NUDC: variants seen among roughly 807,000 people sequenced by gnomAD.
NUDC encodes nuclear migration protein nudC.
In NUDC, 14 loss-of-function variants were observed where a neutral mutation model predicts 45.0. That is an observed-to-expected ratio of 0.31 (90% confidence interval 0.21 to 0.49). The LOEUF (loss-of-function observed/expected upper bound fraction) is 0.49. Ranked by LOEUF, NUDC falls within the 20% of genes least tolerant of loss-of-function variation. The probability of loss-of-function intolerance (pLI) is 0.99; values close to 1 mark genes in which losing one functional copy is unlikely to be tolerated. For synonymous variants in NUDC, 153 were observed against 156.7 expected (o/e 0.98, Z 0.17); for missense variants, 323 against 426.2 (o/e 0.76, Z 2.13).
chr1:26,945,695 T>G lies in NUDC; in HGVS notation c.944+9T>G. On this transcript the variant is annotated intron_variant, in intron 8 of 8. Transcript: ENST00000321265. ...CAGGAGATTCTGAAGAAGTGAGCAA[T>G]TCAGAGACGGGGTTGGGGGACCGTG... is the stretch of plus-strand genomic sequence containing the variant. 1 of 1,607,084 alleles carries G rather than the reference T, an allele frequency of 6.2e-7. No homozygotes were observed. The highest frequency in any genetic ancestry group is 1.3e-5 in the African/African-American group (1 of 74,872).
At chr1:26,929,668 A>G (rs2082164556) in intron 2 of NUDC, 2 of 403,436 alleles carry the variant, frequency 5.0e-6, no homozygotes, top group South Asian at 1.9e-5. Context: ...ATATAATTGA[A>G]GGCATATTTT....
intron 2 of NUDC, among the ~76,000 whole-genome samples, chr1:26,909,592 G>C (rs1570710454): frequency 6.6e-6 from 1 of 152,274 alleles, no homozygotes; most frequent in East Asian, 1.9e-4. Context: ...GAGAGATGTG[G>C]CAATTAACTA....
At chr1:26,941,110 T>G (rs1035918697) in intron 2 of NUDC, among the ~76,000 whole-genome samples, 1 of 145,084 alleles carries the variant, frequency 6.9e-6, no homozygotes. Context: ...TTTTTTTTTT[T>G]GTATTTTTGG....
chr1:26,945,658 G>A lies in NUDC; in HGVS notation c.916G>A (p.Glu306Lys), dbSNP rs757295638. ...QKSMGLPTSD[E>K]QKKQEILKKF... ...GTCCATGGGGCTGCCAACTTCAGAC[G>A]AACAGAAGAAACAGGAGATTCTGAA... is the stretch of plus-strand genomic sequence containing the variant. Residue 306 changes from glutamate (E) to lysine (K), a missense_variant, in exon 8 of 9, where the codon GAA (glutamate) becomes AAA (lysine). This residue lies in a region of NUDC where 54 missense variants were observed against 100.2 expected (regional missense o/e 0.54). Transcript: ENST00000321265. 3.7e-6 allele frequency: 6 copies of A among 1,613,842 alleles called. No individual in the cohort carries two copies. The African/African-American group carries it at 4.0e-5, about 11-fold the overall frequency.
intron 2 of NUDC, among the ~76,000 whole-genome samples, chr1:26,906,144 G>C (rs1023169056): frequency 2.0e-5 from 3 of 152,216 alleles, no homozygotes; most frequent in Non-Finnish European, 1.5e-5. Context: ...GCAGGGCGTG[G>C]TGGCGCATGC....
At chr1:26,908,426 T>G (rs2082011588) in intron 2 of NUDC, among the ~76,000 whole-genome samples, 1 of 152,196 alleles carries the variant, frequency 6.6e-6, no homozygotes, top group Admixed American at 6.5e-5. Context: ...CTTTATGTTC[T>G]TTGCTCAAGG....
chr1:26,908,973 C>T (rs1365458057), intron 2 of NUDC, among the ~76,000 whole-genome samples: 1 of 150,870 alleles, frequency 6.6e-6, no homozygotes, highest in African/African-American at 2.4e-5. Context: ...ATCCGCCTGG[C>T]CTTATTTTTT....
chr1:26,921,285 G>A (rs928971322), upstream of NUDC, among the ~76,000 whole-genome samples: 9 of 152,306 alleles, frequency 5.9e-5, no homozygotes, highest in African/African-American at 2.2e-4. Context: ...GGTGCTGTGC[G>A]ACTGCAATTT....
intron 2 of NUDC, among the ~76,000 whole-genome samples, chr1:26,930,587 G>A (rs577038490): frequency 1.4e-4 from 21 of 152,188 alleles, no homozygotes; most frequent in African/African-American, 4.8e-4. Flanking sequence ...GCACAAGCCT[G>A]TAGTCCCAGC....
At chr1:26,932,600 G>A (rs149816154) in intron 2 of NUDC, among the ~76,000 whole-genome samples, 1 of 152,238 alleles carries the variant, frequency 6.6e-6, no homozygotes, top group Non-Finnish European at 1.5e-5. Flanking sequence ...TAGGATAACA[G>A]ATGTGAGCCA....
chr1:26,943,890 C>T (rs192176912), intron 6 of NUDC, among the ~76,000 whole-genome samples: 248 of 152,190 alleles, frequency 1.6e-3, no homozygotes, highest in African/African-American at 5.7e-3. Context: ...CTCACTCACC[C>T]CTCCATGCCT....
In NUDC at chr1:26,921,765, C is replaced by T. The variant is rs1473558839; in HGVS notation, c.-84C>T. ...GCTGCGGAAGGCGGACGACTAGAGTCGTTGGGCCCGGCGCGACCCGCAGGA... is the reference window on the plus strand; with the variant it reads ...GCTGCGGAAGGCGGACGACTAGAGTTGTTGGGCCCGGCGCGACCCGCAGGA... On this transcript the variant is annotated 5_prime_UTR_variant, in exon 1 of 9. Transcript: ENST00000321265. The T allele has an allele frequency of 8.4e-6, 12 of 1,424,886 alleles. No individual in the cohort carries two copies. Among genetic ancestry groups the T allele is most frequent in the Non-Finnish European group, 1.2e-5 (12 of 1,036,664 alleles). The allele number at this position is 1,424,886 out of a possible 1,614,324, so 88.3% of individuals were successfully genotyped here.
intron 2 of NUDC, among the ~76,000 whole-genome samples, chr1:26,927,945 A>G (rs1449642560): frequency 6.6e-6 from 1 of 152,214 alleles, no homozygotes; most frequent in African/African-American, 2.4e-5. Context: ...AGAAATATAT[A>G]TATCAATATA....
intron 2 of NUDC, among the ~76,000 whole-genome samples, chr1:26,935,900 G>A (rs1015753299): frequency 1.7e-4 from 22 of 131,224 alleles, no homozygotes; most frequent in African/African-American, 6.1e-4. Flanking sequence ...GGCTGAGGTG[G>A]TAGGATCACT....
intron 8 of NUDC, among the ~76,000 whole-genome samples, 198 bp downstream of exon 8, chr1:26,945,884 G>A (rs534685985): frequency 6.6e-6 from 1 of 152,240 alleles, no homozygotes; most frequent in South Asian, 2.1e-4. Flanking sequence ...GGCTCATGGT[G>A]CATGATAGGA....
intron 2 of NUDC, among the ~76,000 whole-genome samples, chr1:26,934,360 C>T (rs924995583): frequency 1.3e-5 from 2 of 152,130 alleles, no homozygotes; most frequent in African/African-American, 4.8e-5. Context: ...GGAAACCATC[C>T]TGGTGATTCA....
chr1:26,914,886 G>A (rs991812605), intron 3 of NUDC, among the ~76,000 whole-genome samples: 4 of 151,774 alleles, frequency 2.6e-5, no homozygotes, highest in Non-Finnish European at 5.9e-5. Context: ...AGAATCACTC[G>A]AAACTGGGAG....
intron 2 of NUDC, among the ~76,000 whole-genome samples, chr1:26,941,085 CTTT>C (rs772114445): frequency 1.1e-5 from 1 of 91,370 alleles, no homozygotes; most frequent in African/African-American, 4.6e-5. Flanking sequence ...CCATGCCCAG[CTTT>C]TTTTTTTTTT....
intron 2 of NUDC, among the ~76,000 whole-genome samples, chr1:26,925,718 A>ATTTT (rs35681038): frequency 0.018 from 2,287 of 126,804 alleles, 38 homozygotes; most frequent in Non-Finnish European, 0.032. Flanking sequence ...ATCATGAGGA[A>ATTTT]TTTTTTTTTT....
Sources: gnomAD v4.1 joint callset for allele counts (sites outside exome capture counted in the v4.1 genomes callset) on GRCh38, gnomAD v4.1.1 for gene constraint, gnomAD v4.1.1 regional missense constraint, MANE v1.5 for transcripts, NCBI Gene and HGNC (gene_info 2026-07-23, HGNC 2026-07-21) for gene names.